KSR2: variants seen among roughly 807,000 people sequenced by gnomAD.
KSR2 encodes the protein kinase suppressor of ras 2.
A neutral mutation model predicts 107.8 loss-of-function variants in KSR2; 25 were observed. The ratio of observed to expected loss-of-function variants is 0.23; its 90% CI spans 0.17 to 0.32. The LOEUF (loss-of-function observed/expected upper bound fraction) is 0.32. KSR2 is among the 10% of genes least tolerant of loss of function. KSR2 has a pLI of 1.00. For synonymous variants in KSR2, 480 were observed against 507.0 expected (o/e 0.95, Z 0.71); for missense variants, 887 against 1,268.9 (o/e 0.70, Z 4.57).
intron 1 of KSR2, among the ~76,000 whole-genome samples, chr12:117,870,891 G>GA (rs1324743087): frequency 6.6e-6 from 1 of 152,088 alleles, no homozygotes; most frequent in Non-Finnish European, 1.5e-5. Flanking sequence ...TCATCTTGGG[G>GA]AACAAGAGTG....
intron 14 of KSR2, among the ~76,000 whole-genome samples, chr12:117,510,877 C>CA (rs58668449): frequency 0.045 from 4,588 of 103,056 alleles, 211 homozygotes; most frequent in African/African-American, 0.13. Flanking sequence ...GACCCTGTCT[C>CA]AAAAAAAAAA....
intron 14 of KSR2, among the ~76,000 whole-genome samples, chr12:117,504,272 G>A (rs1292379576): frequency 2.0e-5 from 3 of 152,104 alleles, no homozygotes; most frequent in East Asian, 1.9e-4. Context: ...ATCCTATTAC[G>A]AATATTTCCA....
chr12:117,602,837 T>G (rs921699448), intron 5 of KSR2, among the ~76,000 whole-genome samples: 2 of 152,212 alleles, frequency 1.3e-5, no homozygotes, highest in Non-Finnish European at 2.9e-5. Flanking sequence ...GAGCTCTTTT[T>G]CATTGCCAAA....
chr12:117,812,881 A>G (rs1294162096), intron 3 of KSR2, among the ~76,000 whole-genome samples: 1 of 150,490 alleles, frequency 6.6e-6, no homozygotes, highest in Admixed American at 6.6e-5. Context: ...AAAAAGAACA[A>G]AGCTGGAGGC....
chr12:117,861,180 C>T (rs1036278340), intron 1 of KSR2, among the ~76,000 whole-genome samples: 8 of 152,152 alleles, frequency 5.3e-5, no homozygotes, highest in Non-Finnish European at 8.8e-5. Context: ...AGACTCGTTA[C>T]ATAAAGGATG....
intron 14 of KSR2, among the ~76,000 whole-genome samples, chr12:117,492,034 C>A (rs1325862590): frequency 6.6e-6 from 1 of 152,202 alleles, no homozygotes; most frequent in African/African-American, 2.4e-5. Context: ...TGCACACATG[C>A]ACCTCTCGGT....
chr12:117,489,985 T>TAG (rs1320294736), intron 14 of KSR2, among the ~76,000 whole-genome samples: 1 of 152,200 alleles, frequency 6.6e-6, no homozygotes, highest in Non-Finnish European at 1.5e-5. Flanking sequence ...GGATGAAAGT[T>TAG]TACTGAGTAT....
intron 1 of KSR2, among the ~76,000 whole-genome samples, chr12:117,955,866 AG>A (rs1566098804): frequency 6.6e-6 from 1 of 151,268 alleles, no homozygotes; most frequent in Admixed American, 6.6e-5. Flanking sequence ...AAAAAAAAAA[AG>A]GAAAGTACAT....
rs191416214 is a variant in KSR2, at chr12:117,459,577, C to A, written c.*7622G>T. The stretch of plus-strand genomic sequence containing the variant: ...CTAGATCTTAGAGGTCCTTCTAGAT[C>A]ACCATCCCAATGACTTGGTTGAAGA... On this transcript the variant is annotated 3_prime_UTR_variant, in exon 20 of 20. Coordinates refer to ENST00000339824, the MANE Select transcript of KSR2 (RefSeq NM_173598.6). 2 of 152,348 alleles carry A rather than the reference C, an allele frequency of 1.3e-5. No individual in the cohort carries two copies. The highest frequency in any genetic ancestry group is 3.9e-4 in the East Asian group (2 of 5,192). The allele number at this position is 152,348 out of a possible 1,614,324, so 9.4% of individuals were successfully genotyped here. A position where few individuals can be genotyped will look rare whatever the true frequency, so the allele number is the denominator to read the frequency against.
At chr12:117,489,915 T>G (rs913430798) in intron 14 of KSR2, among the ~76,000 whole-genome samples, 1 of 152,140 alleles carries the variant, frequency 6.6e-6, no homozygotes, top group Non-Finnish European at 1.5e-5. Flanking sequence ...TCCTCATGAC[T>G]AATAATGGTG....
At chr12:117,473,429 C>T (rs1196640141) in intron 17 of KSR2, among the ~76,000 whole-genome samples, 1 of 152,182 alleles carries the variant, frequency 6.6e-6, no homozygotes, top group African/African-American at 2.4e-5. Context: ...AGAAGGGCAG[C>T]CAGAAGCTGA....
intron 4 of KSR2, among the ~76,000 whole-genome samples, chr12:117,702,800 C>A (rs192429664): frequency 6.6e-6 from 1 of 152,168 alleles, no homozygotes; most frequent in Admixed American, 6.5e-5. Context: ...GAGCTGCTGG[C>A]CAGTGCACCG....
At chr12:117,755,028 G>C (rs780850960) in intron 4 of KSR2, among the ~76,000 whole-genome samples, 12 of 152,172 alleles carry the variant, frequency 7.9e-5, no homozygotes, top group Non-Finnish European at 1.5e-5. Context: ...CAGGGGTGAA[G>C]GAGAGAAGAA....
chr12:117,764,465 C>G (rs1321549638), intron 3 of KSR2, among the ~76,000 whole-genome samples: 1 of 152,144 alleles, frequency 6.6e-6, no homozygotes, highest in African/African-American at 2.4e-5. Flanking sequence ...CAGCCAGATT[C>G]AAACCCAAAA....
intron 5 of KSR2, among the ~76,000 whole-genome samples, chr12:117,630,579 G>T (rs1488859950): frequency 6.6e-6 from 1 of 152,118 alleles, no homozygotes. Context: ...CAAAGATCTC[G>T]TTGTCTGCAG....
intron 3 of KSR2, among the ~76,000 whole-genome samples, chr12:117,805,355 C>CA (rs1461901761): frequency 9.2e-5 from 14 of 152,138 alleles, no homozygotes; most frequent in African/African-American, 3.4e-4. Flanking sequence ...CTCTAGAGAC[C>CA]AAGAAGGGTA....
intron 1 of KSR2, among the ~76,000 whole-genome samples, chr12:117,869,172 G>C (rs951061073): frequency 6.6e-6 from 1 of 152,106 alleles, no homozygotes; most frequent in South Asian, 2.1e-4. Flanking sequence ...AGGAGTTTGA[G>C]ACCAGCCTGA....
Position 117,461,785 on chromosome 12 carries a change from G to C in KSR2, c.*5414C>G, listed in dbSNP as rs1870910123. 1 of 152,650 alleles carries C rather than the reference G, an allele frequency of 6.6e-6. No individual in the cohort carries two copies. Among genetic ancestry groups the C allele is most frequent in the Non-Finnish European group, 1.5e-5 (1 of 68,214 alleles). 9.5% of individuals were successfully genotyped at this position (152,650 alleles called of 1,614,324 possible). On this transcript the variant is annotated 3_prime_UTR_variant, in exon 20 of 20. Coordinates refer to ENST00000339824, the MANE Select transcript of KSR2 (RefSeq NM_173598.6). ...GTGGTACGGGAGGAGGTGAGGCTGGGAGCCAGGGAGAGTGGCCACATGAGT... is the reference window on the plus strand; with the variant it reads ...GTGGTACGGGAGGAGGTGAGGCTGGCAGCCAGGGAGAGTGGCCACATGAGT...
chr12:117,904,076 T>G (rs1181729795), intron 1 of KSR2, among the ~76,000 whole-genome samples: 1 of 151,746 alleles, frequency 6.6e-6, no homozygotes, highest in South Asian at 2.1e-4. Flanking sequence ...AAAAAAAAAA[T>G]GAAGAAATCA....
Sources: gnomAD v4.1 joint callset for allele counts (sites outside exome capture counted in the v4.1 genomes callset) on GRCh38, gnomAD v4.1.1 for gene constraint, MANE v1.5 for transcripts, NCBI Gene and HGNC (gene_info 2026-07-23, HGNC 2026-07-21) for gene names.